CSMD1: variants seen among roughly 807,000 people sequenced by gnomAD.
CSMD1 encodes CUB and sushi domain-containing protein 1.
In CSMD1, 213 loss-of-function variants were observed where a neutral mutation model predicts 417.5. The observed-to-expected ratio is 0.51, with a 90% CI of 0.46 to 0.57. The LOEUF is 0.57. CSMD1 is among the 20% of genes least tolerant of loss of function. CSMD1 has a pLI of 0.00. For synonymous variants in CSMD1, 2,862 were observed against 1,736.8 expected (o/e 1.65, Z -16.11); for missense variants, 6,923 against 4,529.7 (o/e 1.53, Z -15.17).
At chr8:4,726,421 C>A (rs1426755419) in intron 1 of CSMD1, among the ~76,000 whole-genome samples, 1 of 152,188 alleles carries the variant, frequency 6.6e-6, no homozygotes, top group Non-Finnish European at 1.5e-5. Flanking sequence ...GTGTAGTTCA[C>A]AGAATTTGTT....
intron 1 of CSMD1, among the ~76,000 whole-genome samples, chr8:4,851,967 G>C (rs1801506277): frequency 6.6e-6 from 1 of 152,242 alleles, no homozygotes; most frequent in East Asian, 1.9e-4. Context: ...ACTAGTCTAA[G>C]TTTTTTCCCT....
intron 3 of CSMD1, among the ~76,000 whole-genome samples, chr8:4,281,339 C>G (rs1796772688): frequency 6.6e-6 from 1 of 152,154 alleles, no homozygotes; most frequent in Non-Finnish European, 1.5e-5. Flanking sequence ...GTCCCAGGCC[C>G]ACAGAGTAAG....
chr8:2,994,145 C>CAAAAAAAAAAAAAAAAAAAAAAAAAACA (rs35438493), intron 54 of CSMD1, among the ~76,000 whole-genome samples: 1 of 30,516 alleles, frequency 3.3e-5, no homozygotes, highest in Non-Finnish European at 4.7e-5. Context: ...AACTCCATCT[C>CAAAAAAAAAAAAAAAAAAAAAAAAAACA]AAAAAAAAAA....
chr8:4,611,077 A>G (rs988654155), intron 2 of CSMD1, among the ~76,000 whole-genome samples: 2 of 152,124 alleles, frequency 1.3e-5, no homozygotes, highest in African/African-American at 2.4e-5. Flanking sequence ...AAAGTGAAAG[A>G]AGACCATAGA....
chr8:4,362,447 T>G (rs1027042857), intron 3 of CSMD1, among the ~76,000 whole-genome samples: 1 of 152,188 alleles, frequency 6.6e-6, no homozygotes, highest in African/African-American at 2.4e-5. Flanking sequence ...AGAGTTTTGT[T>G]AAAGGTCCCT....
Position 3,036,559 on chromosome 8 carries a change from A to T in CSMD1, c.7661-7046T>A, listed in dbSNP as rs114198863. 4.4e-3 allele frequency among the ~76,000 whole-genome samples: 665 copies of T among 152,342 alleles called. 6 individuals carry two copies. The highest frequency in any genetic ancestry group is 0.015 in the African/African-American group (631 of 41,574). On this transcript the variant is annotated intron_variant, in intron 50 of 69. Coordinates refer to ENST00000635120, the MANE Select transcript of CSMD1 (RefSeq NM_033225.6). The stretch of plus-strand genomic sequence containing the variant: ...AACTGTTCCTCATACACACAACTAA[A>T]GCAAAGTGTGCAGTCTAGCACTAAA...
At chr8:4,449,508 T>A (rs1799005465) in intron 2 of CSMD1, among the ~76,000 whole-genome samples, 1 of 152,166 alleles carries the variant, frequency 6.6e-6, no homozygotes, top group Non-Finnish European at 1.5e-5. Context: ...TACTTGTCAT[T>A]TTTTGTCTTT....
At chr8:4,174,467 G>C (rs531645511) in intron 3 of CSMD1, among the ~76,000 whole-genome samples, 25 of 151,628 alleles carry the variant, frequency 1.6e-4, no homozygotes, top group Middle Eastern at 3.4e-3. Context: ...TTAAATAATA[G>C]GTTTGGAAGG....
chr8:3,433,755 T>C (rs1362565135), intron 12 of CSMD1, among the ~76,000 whole-genome samples: 1 of 152,220 alleles, frequency 6.6e-6, no homozygotes, highest in Non-Finnish European at 1.5e-5. Flanking sequence ...TTGTGTTGAC[T>C]TTTATTTCCC....
rs73493817 is a variant in CSMD1 at position 3,872,453 on chromosome 8, C to G, written c.819-118411G>C. Among the ~76,000 whole-genome samples the G allele has an allele frequency of 7.8e-3, 1,184 of 152,242 alleles. 18 individuals carry two copies. Among genetic ancestry groups the G allele is most frequent in the African/African-American group, 0.026 (1,073 of 41,528 alleles). ...AACGCATTATCCGAAGCCCACTGTG[C>G]AAATGAAAAAGCTGTGGGACAAGGC... On this transcript the variant is annotated intron_variant, in intron 5 of 69. Transcript: ENST00000635120.
chr8:3,751,770 A>G (rs1364493225), intron 6 of CSMD1, among the ~76,000 whole-genome samples: 2 of 152,114 alleles, frequency 1.3e-5, no homozygotes, highest in African/African-American at 4.8e-5. Context: ...CTTTCTTTCA[A>G]TTACAGATAC....
At chr8:4,332,408 A>G (rs1423582260) in intron 3 of CSMD1, among the ~76,000 whole-genome samples, 4 of 152,082 alleles carry the variant, frequency 2.6e-5, no homozygotes, top group African/African-American at 9.7e-5. Flanking sequence ...GATAGTATAA[A>G]TTCTTTCTAG....
chr8:3,844,348 G>C (rs1803344476), intron 5 of CSMD1, among the ~76,000 whole-genome samples: 1 of 152,066 alleles, frequency 6.6e-6, no homozygotes, highest in South Asian at 2.1e-4. Flanking sequence ...ACTTCAGGAA[G>C]TCCCAGAAGT....
intron 1 of CSMD1, among the ~76,000 whole-genome samples, chr8:4,863,507 A>G (rs1318094556): frequency 6.6e-6 from 1 of 152,084 alleles, no homozygotes; most frequent in Non-Finnish European, 1.5e-5. Flanking sequence ...AGTGTTGAAT[A>G]TTTTAATGAA....
At chr8:3,809,054 C>T (rs915516206) in intron 5 of CSMD1, among the ~76,000 whole-genome samples, 4 of 152,160 alleles carry the variant, frequency 2.6e-5, no homozygotes, top group African/African-American at 7.2e-5. Context: ...AGCTTTCCAA[C>T]AGCCCCTGGG....
At chr8:4,861,490 G>A (rs1160008542) in intron 1 of CSMD1, among the ~76,000 whole-genome samples, 1 of 152,090 alleles carries the variant, frequency 6.6e-6, no homozygotes, top group Non-Finnish European at 1.5e-5. Flanking sequence ...ATGTTTGTAT[G>A]ATGTGTCTGC....
chr8:4,115,705 T>G (rs1270741040), intron 3 of CSMD1, among the ~76,000 whole-genome samples: 3 of 151,986 alleles, frequency 2.0e-5, no homozygotes. Context: ...AAGAGGTGAG[T>G]GAATAAACTG....
intron 2 of CSMD1, among the ~76,000 whole-genome samples, chr8:4,533,440 C>T (rs73661506): frequency 0.049 from 7,504 of 152,220 alleles, 489 homozygotes; most frequent in Admixed American, 0.14. Flanking sequence ...TGTTAATCTA[C>T]GTGAGCCCTG....
intron 37 of CSMD1, among the ~76,000 whole-genome samples, chr8:3,163,725 G>A (rs949580207): frequency 1.3e-5 from 2 of 152,148 alleles, no homozygotes; most frequent in African/African-American, 4.8e-5. Context: ...CACTCAGGAA[G>A]CAGCTGTGGG....
Sources: gnomAD v4.1 joint callset for allele counts (sites outside exome capture counted in the v4.1 genomes callset) on GRCh38, gnomAD v4.1.1 for gene constraint, MANE v1.5 for transcripts, NCBI Gene and HGNC (gene_info 2026-07-23, HGNC 2026-07-21) for gene names.